Variants in DBT observed in about 807,000 individuals in gnomAD.
DBT encodes lipoamide acyltransferase component of branched-chain alpha-keto acid dehydrogenase complex, mitochondrial.
DBT carries 40 observed loss-of-function variants against 51.3 expected under a neutral mutation model. The observed-to-expected ratio is 0.78, with a 90% CI of 0.61 to 1.02. The LOEUF is 1.02. Ranked by LOEUF, DBT falls within the 50% of genes least tolerant of loss-of-function variation. DBT has a pLI of 0.00. For missense variants in DBT, 510 were observed against 580.2 expected (o/e 0.88, Z 1.24); for synonymous variants, 181 against 190.4 (o/e 0.95, Z 0.41).
chr1:100,199,225 T>G (rs965440833), intron 10 of DBT, among the ~76,000 whole-genome samples: 1 of 152,198 alleles, frequency 6.6e-6, no homozygotes, highest in African/African-American at 2.4e-5. Flanking sequence ...ATCACCTTTT[T>G]GCACTCATTT....
Position 100,210,513 on chromosome 1 carries a change from A to T in DBT, c.1017+181T>A, listed in dbSNP as rs1186374857. On this transcript the variant is annotated intron_variant, in intron 8 of 10. Coordinates refer to ENST00000370132, the MANE Select transcript of DBT (RefSeq NM_001918.5). ...AAAATAGTTTTAAGAATCTCTAAAC[A>T]GTATTATTAACACAAAAACAACAAC... 7.4e-6 allele frequency: 6 copies of T among 806,898 alleles called. No homozygotes were observed. The African/African-American group carries it at 1.0e-4, about 14-fold the overall frequency. 50.0% of individuals were successfully genotyped at this position (806,898 alleles called of 1,614,324 possible).
chr1:100,224,668 G>C (rs554363227), intron 4 of DBT, among the ~76,000 whole-genome samples: 26 of 152,074 alleles, frequency 1.7e-4, no homozygotes, highest in South Asian at 1.7e-3. Flanking sequence ...CATTAATTTT[G>C]TTCTAAGCTT....
chr1:100,193,573 T>A lies in DBT; in HGVS notation c.*2682A>T, dbSNP rs559103391. 2.6e-5 allele frequency: 4 copies of A among 152,342 alleles called. No individual in the cohort carries two copies. The highest frequency in any genetic ancestry group is 4.4e-5 in the Non-Finnish European group (3 of 68,036). 9.4% of individuals were successfully genotyped at this position (152,342 alleles called of 1,614,324 possible). On this transcript the variant is annotated 3_prime_UTR_variant, in exon 11 of 11. Transcript: ENST00000370132. ...GTTTAATGTTTGAATGTATAATAAATGCATACAATGGAATACTATGCAGAC... is the reference window on the plus strand; with the variant it reads ...GTTTAATGTTTGAATGTATAATAAAAGCATACAATGGAATACTATGCAGAC...
chr1:100,211,683 AG>A (rs1222869539), intron 7 of DBT, among the ~76,000 whole-genome samples: 2 of 152,228 alleles, frequency 1.3e-5, no homozygotes, highest in Non-Finnish European at 2.9e-5. Flanking sequence ...CATTTTCATT[AG>A]TTAGGACAGG....
intron 4 of DBT, 28 bp from the exon 5 acceptor site, chr1:100,218,775 G>C (rs751965796): frequency 6.2e-7 from 1 of 1,607,078 alleles, no homozygotes; most frequent in East Asian, 2.2e-5. Flanking sequence ...CTTAACTTCA[G>C]TTGAAAAAAA....
chr1:100,213,147 G>A, intron 7 of DBT: 1 of 409,218 alleles, frequency 2.4e-6, no homozygotes, highest in Non-Finnish European at 4.1e-6. Context: ...TAAATGGAAA[G>A]TGGAGACAGT....
chr1:100,214,879 C>G lies in DBT; in HGVS notation c.877G>C (p.Glu293Gln). The change falls in exon 7 of 11, where the codon GAA becomes CAA. Residue 293 changes from glutamate to glutamine, a missense_variant. Glu to Gln is a conservative substitution (Grantham distance 29). Coordinates refer to ENST00000370132, the MANE Select transcript of DBT (RefSeq NM_001918.5). ...CGAGCAAATGCAATGGGTTTTAATT[C>G]TTCTCGGAGCTTAACCAGTTCAGTA... ...DLTELVKLRE[E>Q]LKPIAFARGI... 1.9e-6 allele frequency: 3 copies of G among 1,614,096 alleles called. No individual in the cohort carries two copies. Among genetic ancestry groups the G allele is most frequent in the Non-Finnish European group, 2.5e-6 (3 of 1,179,978 alleles).
In DBT at chr1:100,230,844, C is replaced by A; in HGVS notation, c.322G>T (p.Val108Phe). ...CCATCATAACGACTAGTGATGGTAA[C>A]AGAAGCTTTATCACTTTGAACTTCA... The part of the protein sequence containing the change: ...ICEVQSDKAS[V>F]TITSRYDGVI... The change falls in exon 4 of 11, where the codon GTT becomes TTT. Residue 108 changes from valine (V) to phenylalanine (F), a missense_variant. Val to Phe is a conservative substitution (Grantham distance 50). Coordinates refer to ENST00000370132, the MANE Select transcript of DBT (RefSeq NM_001918.5). The A allele has an allele frequency of 1.9e-6, 3 of 1,606,302 alleles. No homozygotes were observed. The South Asian group carries it at 3.3e-5, about 18-fold the overall frequency.
At chr1:100,199,709 T>C (rs576510266) in intron 10 of DBT, among the ~76,000 whole-genome samples, 7 of 152,196 alleles carry the variant, frequency 4.6e-5, no homozygotes, top group Admixed American at 1.3e-4. Context: ...GTTCATCTCA[T>C]TGGGACTGGT....
At chr1:100,208,153 A>C (rs1428898005) in intron 8 of DBT, among the ~76,000 whole-genome samples, 1 of 152,172 alleles carries the variant, frequency 6.6e-6, no homozygotes, top group South Asian at 2.1e-4. Context: ...AAACAAAAAA[A>C]AACAAATCCA....
At chr1:100,243,709 A>G (rs1457041666) in intron 1 of DBT, among the ~76,000 whole-genome samples, 1 of 152,170 alleles carries the variant, frequency 6.6e-6, no homozygotes, top group Non-Finnish European at 1.5e-5. Context: ...GGAAAGGTGA[A>G]GTAATTTGTC....
intron 1 of DBT, among the ~76,000 whole-genome samples, chr1:100,243,541 C>T (rs1320426593): frequency 6.6e-6 from 1 of 151,874 alleles, no homozygotes; most frequent in Admixed American, 6.6e-5. Flanking sequence ...AGGGTGCTCT[C>T]GACCTCCTCA....
rs567248122 is a variant in DBT at position 100,199,260 on chromosome 1, C to T, written c.1282-2838G>A. ...TGGGTTCCTGTTCAAAATTTAAGTT[C>T]GGAGGGTTCTGCCCCTAAGGTAAAG... On this transcript the variant is annotated intron_variant, in intron 10 of 10. Transcript: ENST00000370132. Among the ~76,000 whole-genome samples the T allele has an allele frequency of 2.6e-4, 39 of 152,248 alleles. 1 individual carries two copies. In the South Asian group the frequency reaches 5.2e-3, roughly 20 times the overall value.
intron 10 of DBT, among the ~76,000 whole-genome samples, chr1:100,201,813 T>C (rs1368047041): frequency 6.6e-6 from 1 of 152,104 alleles, no homozygotes; most frequent in Admixed American, 6.5e-5. Flanking sequence ...CTAAGCTTCA[T>C]AAGTGGAGGA....
Position 100,196,416 on chromosome 1 carries a change from G to C in DBT, c.1288C>G (p.Pro430Ala). ...ACTTCTCCTTTCTGGTTAAATCGGGGAATGGCCTAGAAATGAAAAAAAAAA... is the reference window on the plus strand; with the variant it reads ...ACTTCTCCTTTCTGGTTAAATCGGGCAATGGCCTAGAAATGAAAAAAAAAA... ...IGALGSIKAI[P>A]RFNQKGEVYK... Residue 430 changes from proline (P) to alanine (A), a missense_variant, in exon 11 of 11, where the codon CCC (proline) becomes GCC (alanine). Pro to Ala is a conservative substitution (Grantham distance 27). Transcript: ENST00000370132. 1.3e-6 allele frequency: 1 copy of C among 744,760 alleles called. No homozygotes were observed. The highest frequency in any genetic ancestry group is 2.1e-6 in the Non-Finnish European group (1 of 466,832). The allele number at this position is 744,760 out of a possible 1,614,324, so 46.1% of individuals were successfully genotyped here. A position where few individuals can be genotyped will look rare whatever the true frequency, so the allele number is the denominator to read the frequency against.
chr1:100,196,106 A>T lies in DBT; in HGVS notation c.*149T>A. 1.3e-6 allele frequency: 1 copy of T among 748,806 alleles called. No individual in the cohort carries two copies. The highest frequency in any genetic ancestry group is 2.3e-6 in the Non-Finnish European group (1 of 439,216). 46.4% of individuals were successfully genotyped at this position (748,806 alleles called of 1,614,324 possible). A position where few individuals can be genotyped will look rare whatever the true frequency, so the allele number is the denominator to read the frequency against. ...ATTCATTTTCAGTAAAAAGTCTAATAGAACAGTGACAAATATTGTGCCTTA... is the reference window on the plus strand; with the variant it reads ...ATTCATTTTCAGTAAAAAGTCTAATTGAACAGTGACAAATATTGTGCCTTA... On this transcript the variant is annotated 3_prime_UTR_variant, in exon 11 of 11. Transcript: ENST00000370132.
In DBT at chr1:100,191,997, C is replaced by G. The variant is rs1250540355; in HGVS notation, c.*4258G>C. 1 of 149,652 alleles carries G rather than the reference C, an allele frequency of 6.7e-6. No individual in the cohort carries two copies. The highest frequency in any genetic ancestry group is 2.5e-5 in the African/African-American group (1 of 40,534). The allele number at this position is 149,652 out of a possible 1,614,324, so 9.3% of individuals were successfully genotyped here. The stretch of plus-strand genomic sequence containing the variant: ...TTGTTTTTTGGTTTTTTTGGTAGAG[C>G]TGGGGTCGCCCAGGCTGGTCTCAAA... On this transcript the variant is annotated 3_prime_UTR_variant, in exon 11 of 11. Coordinates refer to ENST00000370132, the MANE Select transcript of DBT (RefSeq NM_001918.5).
At chr1:100,211,215 A>T (rs948205310) in intron 7 of DBT, 1 of 706,180 alleles carries the variant, frequency 1.4e-6, no homozygotes, top group Admixed American at 2.2e-5. Context: ...TGACCAGTAG[A>T]TGCCAGTTTG....
intron 9 of DBT, 39 bp downstream of exon 9, chr1:100,206,406 C>T (rs1340982506): frequency 7.0e-6 from 11 of 1,573,670 alleles, no homozygotes; most frequent in Non-Finnish European, 7.9e-6. Context: ...GATCAGAAAC[C>T]TTAAGTAATG....
Sources: allele counts gnomAD v4.1 joint callset (sites outside exome capture counted in the v4.1 genomes callset), GRCh38; gene constraint gnomAD v4.1.1; transcripts MANE v1.5; gene names NCBI Gene and HGNC (gene_info 2026-07-23, HGNC 2026-07-21).